The following IMMP2L variants were observed in gnomAD, a reference collection of about 807,000 sequenced individuals.
The protein encoded by IMMP2L is mitochondrial inner membrane protease subunit 2.
Under a neutral mutation model 19.3 loss-of-function variants are expected in IMMP2L, and 18 were observed. The observed-to-expected ratio is 0.93, with a 90% CI of 0.64 to 1.38. The LOEUF is 1.38. Among genes scored for constraint, IMMP2L ranks in the 40% most tolerant of loss-of-function variants. The probability of loss-of-function intolerance (pLI) is 0.00; values close to 1 mark genes in which losing one functional copy is unlikely to be tolerated. For missense variants in IMMP2L, 233 were observed against 218.2 expected (o/e 1.07, Z -0.43); for synonymous variants, 76 against 73.0 (o/e 1.04, Z -0.21).
intron 3 of IMMP2L, among the ~76,000 whole-genome samples, chr7:111,405,823 C>G (rs183604928): frequency 3.4e-4 from 51 of 152,188 alleles, no homozygotes; most frequent in Admixed American, 2.4e-3. Flanking sequence ...AGCTTACCAC[C>G]TATTAATTTT....
intron 3 of IMMP2L, among the ~76,000 whole-genome samples, chr7:111,003,081 TC>T (rs1180383400): frequency 1.3e-5 from 2 of 152,178 alleles, no homozygotes; most frequent in Non-Finnish European, 2.9e-5. Context: ...AGAGGATTTT[TC>T]TGCTAGCATT....
chr7:111,541,677 T>A (rs895102764), intron 1 of IMMP2L, among the ~76,000 whole-genome samples: 6 of 152,124 alleles, frequency 3.9e-5, no homozygotes, highest in Admixed American at 1.3e-4. Context: ...AGAAAGAAAA[T>A]TCAGTAACAA....
In IMMP2L at chr7:111,518,850, T is replaced by C. The variant is rs180952571; in HGVS notation, c.135+2463A>G. Among the ~76,000 whole-genome samples the C allele has an allele frequency of 1.0e-3, 154 of 152,262 alleles. 1 individual carries two copies. The highest frequency in any genetic ancestry group is 2.0e-3 in the Non-Finnish European group (137 of 67,994). ...TTCCTTTCTTCCTAGAATTCCATTC[T>C]ACTTTGATTCTGAAAATAGCATCCT... is the stretch of plus-strand genomic sequence containing the variant. On this transcript the variant is annotated intron_variant, in intron 2 of 5. Transcript: ENST00000405709.
At chr7:111,255,625 A>G (rs181953152) in intron 3 of IMMP2L, among the ~76,000 whole-genome samples, 135 of 152,164 alleles carry the variant, frequency 8.9e-4, no homozygotes, top group African/African-American at 3.2e-3. Flanking sequence ...ACATTATGTC[A>G]CAAGTTTACA....
intron 5 of IMMP2L, among the ~76,000 whole-genome samples, chr7:110,830,811 G>C (rs900124642): frequency 1.4e-4 from 21 of 151,904 alleles, no homozygotes; most frequent in Non-Finnish European, 2.8e-4. Flanking sequence ...AGTAAACCTG[G>C]ACACTCAGAT....
chr7:111,170,069 A>G (rs144407036), intron 3 of IMMP2L, among the ~76,000 whole-genome samples: 3 of 152,070 alleles, frequency 2.0e-5, no homozygotes, highest in Admixed American at 2.0e-4. Context: ...TTTTGTCTAT[A>G]CATATGCATA....
At chr7:111,139,083 G>C (rs1336231930) in intron 3 of IMMP2L, among the ~76,000 whole-genome samples, 1 of 151,872 alleles carries the variant, frequency 6.6e-6, no homozygotes, top group Non-Finnish European at 1.5e-5. Context: ...ACAAATAAAT[G>C]AATGTGATAT....
In IMMP2L at chr7:111,520,805, C is replaced by G. The variant is rs561134471; in HGVS notation, c.135+508G>C. ...ATAAAACTTTTGGAAATCTCCACTC[C>G]AAAGTTCTTCCACTGTAAACTGCAC... is the stretch of plus-strand genomic sequence containing the variant. On this transcript the variant is annotated intron_variant, in intron 2 of 5. Coordinates refer to ENST00000405709, the MANE Select transcript of IMMP2L (RefSeq NM_032549.4). 2.6e-5 allele frequency among the ~76,000 whole-genome samples: 4 copies of G among 152,168 alleles called. No individual in the cohort carries two copies. In the East Asian group the frequency reaches 7.7e-4, roughly 29 times the overall value.
intron 5 of IMMP2L, among the ~76,000 whole-genome samples, chr7:110,672,272 T>A (rs1051922697): frequency 3.3e-5 from 5 of 152,044 alleles, no homozygotes; most frequent in Non-Finnish European, 5.9e-5. Flanking sequence ...TCAGATCTCA[T>A]GAGACTCACG....
chr7:111,071,518 C>A (rs544363876), intron 3 of IMMP2L, among the ~76,000 whole-genome samples: 2 of 151,972 alleles, frequency 1.3e-5, no homozygotes, highest in African/African-American at 4.8e-5. Flanking sequence ...AATGGAGAAA[C>A]AAAATGTTAT....
intron 3 of IMMP2L, among the ~76,000 whole-genome samples, chr7:111,381,735 G>A (rs1401160867): frequency 1.3e-5 from 2 of 151,940 alleles, no homozygotes; most frequent in Non-Finnish European, 2.9e-5. Context: ...GACTGACTGA[G>A]TATAAGGAGT....
Position 111,452,328 on chromosome 7 carries a change from T to C in IMMP2L, c.239+34910A>G, listed in dbSNP as rs371592453. Among the ~76,000 whole-genome samples, 33 of 152,266 alleles carry C rather than the reference T, an allele frequency of 2.2e-4. No individual in the cohort carries two copies. In the East Asian group the frequency reaches 5.0e-3, roughly 23 times the overall value. ...TATATAGAGTTTTGCCAAAGAAACA[T>C]TGATTACACTGGTCTTTTGAAAAGT... On this transcript the variant is annotated intron_variant, in intron 3 of 5. Transcript: ENST00000405709.
At position 111,556,035 on chromosome 7, in the gene IMMP2L, T is replaced by TATATATATATATACACAC. The variant is rs1554550178; in HGVS notation, c.-3+5815_-3+5816insGTGTGTATATATATATAT. Among the ~76,000 whole-genome samples, 368 of 135,722 alleles carry TATATATATATATACACAC rather than the reference T, an allele frequency of 2.7e-3. 8 individuals carry two copies. The highest frequency in any genetic ancestry group is 9.8e-3 in the African/African-American group (358 of 36,418). 89.0% of individuals were successfully genotyped at this position (135,722 alleles called of 152,430 possible). ...GTGTGCATGTATATATATATATATATACATACCCAAAGAAAATGAAACCGC... is the reference window on the plus strand; with the variant it reads ...GTGTGCATGTATATATATATATATATATATATATATATACACACACATACCCAAAGAAAATGAAACCGC... On this transcript the variant is annotated intron_variant, in intron 1 of 5. Transcript: ENST00000405709.
intron 3 of IMMP2L, among the ~76,000 whole-genome samples, chr7:111,028,071 G>A (rs1827040388): frequency 6.6e-6 from 1 of 151,976 alleles, no homozygotes; most frequent in African/African-American, 2.4e-5. Flanking sequence ...TAGTTTCAAG[G>A]TTCATATGGT....
At chr7:111,458,380 A>C (rs935866034) in intron 3 of IMMP2L, among the ~76,000 whole-genome samples, 24 of 151,478 alleles carry the variant, frequency 1.6e-4, no homozygotes, top group African/African-American at 5.4e-4. Context: ...CACCATCTCA[A>C]GAAAAAAAAA....
At chr7:111,152,064 A>G (rs545634104) in intron 3 of IMMP2L, among the ~76,000 whole-genome samples, 4 of 152,314 alleles carry the variant, frequency 2.6e-5, no homozygotes, top group African/African-American at 9.6e-5. Context: ...AAATACTTAC[A>G]GATAAAAATA....
At chr7:110,847,853 T>C (rs1805822157) in intron 5 of IMMP2L, among the ~76,000 whole-genome samples, 1 of 152,108 alleles carries the variant, frequency 6.6e-6, no homozygotes, top group Non-Finnish European at 1.5e-5. Context: ...GACATCCTTT[T>C]GCAAAATAAT....
intron 3 of IMMP2L, among the ~76,000 whole-genome samples, chr7:111,425,022 A>T (rs1216918004): frequency 6.6e-6 from 1 of 151,808 alleles, no homozygotes; most frequent in Non-Finnish European, 1.5e-5. Context: ...AAGTCATTTT[A>T]AGTTTCCTTC....
intron 3 of IMMP2L, among the ~76,000 whole-genome samples, chr7:111,151,891 G>C (rs1427844913): frequency 6.6e-6 from 1 of 152,084 alleles, no homozygotes; most frequent in South Asian, 2.1e-4. Flanking sequence ...AGCCAAGATC[G>C]CGCCATTGCA....
Sources: allele counts gnomAD v4.1 joint callset (sites outside exome capture counted in the v4.1 genomes callset), GRCh38; gene constraint gnomAD v4.1.1; transcripts MANE v1.5; gene names NCBI Gene and HGNC (gene_info 2026-07-23, HGNC 2026-07-21).